ROBO1: variants seen among roughly 807,000 people sequenced by gnomAD.
ROBO1 encodes roundabout homolog 1.
A neutral mutation model predicts 195.9 loss-of-function variants in ROBO1; 149 were observed. The ratio of observed to expected loss-of-function variants is 0.76; its 90% CI spans 0.67 to 0.87. ROBO1 has a LOEUF of 0.87. Among genes scored for constraint, ROBO1 ranks in the 40% least tolerant of loss-of-function variants. The probability of loss-of-function intolerance (pLI) is 0.00; values close to 1 mark genes in which losing one functional copy is unlikely to be tolerated. For synonymous variants in ROBO1, 816 were observed against 733.2 expected (o/e 1.11, Z -1.82); for missense variants, 1,933 against 2,068.3 (o/e 0.93, Z 1.27).
intron 2 of ROBO1, among the ~76,000 whole-genome samples, chr3:79,126,068 C>T (rs1354042375): frequency 6.6e-6 from 1 of 152,118 alleles, no homozygotes; most frequent in Non-Finnish European, 1.5e-5. Context: ...ATAAAAATGT[C>T]ATACTTTTTT....
chr3:79,095,547 CT>C (rs1312557311), intron 3 of ROBO1, among the ~76,000 whole-genome samples: 2 of 152,178 alleles, frequency 1.3e-5, no homozygotes, highest in South Asian at 2.1e-4. Context: ...CCCCTACTGA[CT>C]TTTTTACTGC....
intron 5 of ROBO1, among the ~76,000 whole-genome samples, chr3:78,720,979 A>G (rs1239869284): frequency 6.6e-6 from 1 of 151,600 alleles, no homozygotes; most frequent in East Asian, 1.9e-4. Context: ...GCATAGCATT[A>G]GGAGATATAC....
intron 2 of ROBO1, among the ~76,000 whole-genome samples, chr3:79,366,331 C>A (rs2035975281): frequency 6.6e-6 from 1 of 152,136 alleles, no homozygotes; most frequent in Admixed American, 6.5e-5. Context: ...AATAGTTTTT[C>A]TTAAACTCAA....
At chr3:79,684,469 A>G (rs1033751437) in intron 1 of ROBO1, among the ~76,000 whole-genome samples, 1 of 152,048 alleles carries the variant, frequency 6.6e-6, no homozygotes, top group Non-Finnish European at 1.5e-5. Context: ...TGTTTTTTAC[A>G]GGTGGTTTCC....
intron 2 of ROBO1, among the ~76,000 whole-genome samples, chr3:79,154,840 T>C (rs780960237): frequency 2.0e-5 from 3 of 151,856 alleles, no homozygotes; most frequent in Admixed American, 2.0e-4. Context: ...TGAGCACTTA[T>C]GTTAGGGCGG....
At chr3:79,571,486 T>C (rs1458912487) in intron 2 of ROBO1, among the ~76,000 whole-genome samples, 1 of 152,076 alleles carries the variant, frequency 6.6e-6, no homozygotes, top group Non-Finnish European at 1.5e-5. Context: ...AAGACAAAGT[T>C]TTAAATATAC....
chr3:79,676,308 C>T (rs1005719631), intron 1 of ROBO1, among the ~76,000 whole-genome samples: 4 of 151,952 alleles, frequency 2.6e-5, no homozygotes, highest in Admixed American at 6.6e-5. Context: ...TATTATCTGT[C>T]GCTATGTGCC....
intron 1 of ROBO1, among the ~76,000 whole-genome samples, chr3:79,671,730 G>T (rs888671978): frequency 6.6e-6 from 1 of 151,780 alleles, no homozygotes. Context: ...TTATTGTATT[G>T]TCGGTATTTA....
At chr3:79,083,768 C>A (rs1207730034) in intron 3 of ROBO1, among the ~76,000 whole-genome samples, 10 of 152,120 alleles carry the variant, frequency 6.6e-5, no homozygotes. Context: ...AGAAGTATTA[C>A]CCTATTCTAT....
chr3:79,600,537 G>C (rs994653706), intron 1 of ROBO1, among the ~76,000 whole-genome samples: 3 of 151,898 alleles, frequency 2.0e-5, no homozygotes, highest in Admixed American at 2.0e-4. Flanking sequence ...AACAACAAAC[G>C]AAGTATACAG....
intron 3 of ROBO1, among the ~76,000 whole-genome samples, chr3:79,010,515 T>A (rs1333920878): frequency 6.6e-6 from 1 of 152,156 alleles, no homozygotes; most frequent in Non-Finnish European, 1.5e-5. Flanking sequence ...TTATTAGAGA[T>A]ATTATTGATT....
At chr3:79,208,687 ATGTGTGTGTG>A (rs59970776) in intron 2 of ROBO1, among the ~76,000 whole-genome samples, 3 of 145,214 alleles carry the variant, frequency 2.1e-5, no homozygotes, top group Non-Finnish European at 1.5e-5. Context: ...GTGGTGGGGC[ATGTGTGTGTG>A]TGTGTGTGTG....
chr3:78,765,378 T>C (rs1156654239), intron 4 of ROBO1, among the ~76,000 whole-genome samples: 2 of 151,936 alleles, frequency 1.3e-5, no homozygotes, highest in African/African-American at 2.4e-5. Flanking sequence ...TAAAAAAATA[T>C]AGAAACATAA....
intron 4 of ROBO1, among the ~76,000 whole-genome samples, chr3:78,913,683 A>AT (rs1405750476): frequency 2.6e-5 from 4 of 152,018 alleles, no homozygotes; most frequent in Non-Finnish European, 5.9e-5. Context: ...GAAACATTTT[A>AT]TTTTTTTTCA....
intron 3 of ROBO1, among the ~76,000 whole-genome samples, chr3:79,081,972 T>C (rs2108464625): frequency 6.6e-6 from 1 of 152,322 alleles, no homozygotes; most frequent in East Asian, 1.9e-4. Flanking sequence ...TCTATTAATA[T>C]CATTTTCTTA....
At chr3:79,477,330 A>T (rs1938595388) in intron 2 of ROBO1, among the ~76,000 whole-genome samples, 1 of 152,162 alleles carries the variant, frequency 6.6e-6, no homozygotes, top group African/African-American at 2.4e-5. Context: ...AAAAGTATCT[A>T]AACATCTCAT....
intron 4 of ROBO1, among the ~76,000 whole-genome samples, chr3:78,779,697 C>T (rs532673438): frequency 1.2e-4 from 19 of 152,004 alleles, no homozygotes; most frequent in African/African-American, 3.6e-4. Flanking sequence ...AAGACTGTGG[C>T]GATTCCTCAA....
At chr3:78,639,717 A>G (rs772131518) in intron 22 of ROBO1, 27 bp downstream of exon 22, 4 of 1,597,152 alleles carry the variant, frequency 2.5e-6, no homozygotes, top group Middle Eastern at 1.7e-4. Context: ...AAGCTTATAC[A>G]TATCAGGCTC....
At chr3:78,645,180 A>G (rs1247029155) in intron 21 of ROBO1, among the ~76,000 whole-genome samples, 1 of 152,154 alleles carries the variant, frequency 6.6e-6, no homozygotes, top group Non-Finnish European at 1.5e-5. Flanking sequence ...CTTGTTGCCA[A>G]ATTTGTACAG....
Sources: gnomAD v4.1 joint callset for allele counts (sites outside exome capture counted in the v4.1 genomes callset) on GRCh38, gnomAD v4.1.1 for gene constraint, MANE v1.5 for transcripts, NCBI Gene and HGNC (gene_info 2026-07-23, HGNC 2026-07-21) for gene names.